The following CATSPERT variants were observed in gnomAD, a reference collection of about 807,000 sequenced individuals.
CATSPERT encodes the protein cation channel sperm-associated targeting subunit tau.
At chr2:201,590,081 C>T in the CATSPERT span, among the ~76,000 whole-genome samples, 4 of 151,928 alleles carry the variant, frequency 2.6e-5, no homozygotes, top group Non-Finnish European at 5.9e-5. Context: ...GTGCACTGCA[C>T]CCAATAACTC....
At chr2:201,541,269 G>A in the CATSPERT span, among the ~76,000 whole-genome samples, 1 of 152,028 alleles carries the variant, frequency 6.6e-6, no homozygotes, top group Non-Finnish European at 1.5e-5. Flanking sequence ...CAGCAGCAGG[G>A]TTTGAGAGGA....
At chr2:201,524,901 C>T in the CATSPERT span, among the ~76,000 whole-genome samples, 1 of 152,210 alleles carries the variant, frequency 6.6e-6, no homozygotes, top group African/African-American at 2.4e-5. Flanking sequence ...GGGTTCACTT[C>T]AACAAGAAGA....
the CATSPERT span, among the ~76,000 whole-genome samples, chr2:201,556,722 G>A: frequency 1.4e-4 from 22 of 152,098 alleles, no homozygotes; most frequent in Non-Finnish European, 2.6e-4. Flanking sequence ...AGCTACTCTA[G>A]AGGCTGAGGC....
the CATSPERT span, among the ~76,000 whole-genome samples, chr2:201,546,085 C>T: frequency 6.6e-6 from 1 of 152,122 alleles, no homozygotes; most frequent in Non-Finnish European, 1.5e-5. Flanking sequence ...TTATAAAATA[C>T]TGATCTTTTA....
At chr2:201,530,031 A>C in the CATSPERT span, among the ~76,000 whole-genome samples, 1 of 152,254 alleles carries the variant, frequency 6.6e-6, no homozygotes, top group Admixed American at 6.5e-5. Flanking sequence ...CATCAGAGAA[A>C]TGCAAATTGA....
At chr2:201,547,524 A>G in the CATSPERT span, 2 of 1,546,360 alleles carry the variant, frequency 1.3e-6, no homozygotes, top group Non-Finnish European at 1.8e-6. Context: ...CTTATGTTCC[A>G]ATTTTGGCAT....
chr2:201,566,716 A>G, the CATSPERT span, among the ~76,000 whole-genome samples: 2 of 152,152 alleles, frequency 1.3e-5, no homozygotes, highest in African/African-American at 4.8e-5. Flanking sequence ...TTGGGTATAT[A>G]CCCAGTATTG....
chr2:201,579,223 G>T, the CATSPERT span, among the ~76,000 whole-genome samples: 1 of 151,852 alleles, frequency 6.6e-6, no homozygotes, highest in Non-Finnish European at 1.5e-5. Flanking sequence ...ATTGTCCCAA[G>T]AATGTCTTTT....
At chr2:201,506,952 G>A in the CATSPERT span, among the ~76,000 whole-genome samples, 1 of 152,176 alleles carries the variant, frequency 6.6e-6, no homozygotes, top group Non-Finnish European at 1.5e-5. Context: ...TTAAAATTGA[G>A]ACACTAATAG....
the CATSPERT span, among the ~76,000 whole-genome samples, chr2:201,523,505 C>A: frequency 6.6e-6 from 1 of 152,160 alleles, no homozygotes; most frequent in South Asian, 2.1e-4. Flanking sequence ...CAAAGGACAG[C>A]AACTTTAAAG....
chr2:201,601,328 AGACT>A, the CATSPERT span, among the ~76,000 whole-genome samples: 1,414 of 148,982 alleles, frequency 9.5e-3, 12 homozygotes, highest in African/African-American at 0.016. Flanking sequence ...GTTGTAATAA[AGACT>A]GACTAAGTTA....
the CATSPERT span, among the ~76,000 whole-genome samples, chr2:201,515,201 A>ATAGTT: frequency 1.4e-5 from 1 of 70,214 alleles, no homozygotes; most frequent in Admixed American, 2.1e-4. Flanking sequence ...ATCTGCCCAT[A>ATAGTT]GTTTTTTTTT....
chr2:201,515,075 A>G, the CATSPERT span, among the ~76,000 whole-genome samples: 1 of 152,108 alleles, frequency 6.6e-6, no homozygotes, highest in African/African-American at 2.4e-5. Context: ...ATAAAGGACT[A>G]AGTAGAATCC....
At chr2:201,516,003 A>G in the CATSPERT span, among the ~76,000 whole-genome samples, 1 of 152,246 alleles carries the variant, frequency 6.6e-6, no homozygotes, top group Non-Finnish European at 1.5e-5. Flanking sequence ...GTGTTATCAG[A>G]TGATTTTGTC....
the CATSPERT span, chr2:201,582,144 C>T: frequency 8.7e-6 from 14 of 1,609,686 alleles, 1 homozygote; most frequent in South Asian, 4.4e-5. Flanking sequence ...CAAGAAAGCA[C>T]GTTTTTCTCT....
the CATSPERT span, among the ~76,000 whole-genome samples, chr2:201,588,590 T>C: frequency 4.7e-5 from 6 of 126,696 alleles, no homozygotes; most frequent in African/African-American, 1.1e-4. Context: ...GGGCAATGGT[T>C]CCCTACTCTT....
chr2:201,547,488 T>G, the CATSPERT span: 2 of 1,294,234 alleles, frequency 1.5e-6, no homozygotes, highest in Non-Finnish European at 2.2e-6. Context: ...TATAGGAGAA[T>G]GTATTATGTC....
At chr2:201,547,841 G>T in the CATSPERT span, among the ~76,000 whole-genome samples, 4 of 151,972 alleles carry the variant, frequency 2.6e-5, no homozygotes, top group Non-Finnish European at 5.9e-5. Context: ...CCTCAGAAGG[G>T]TACACAAAAT....
At chr2:201,534,373 T>A in the CATSPERT span, 2 of 975,644 alleles carry the variant, frequency 2.0e-6, no homozygotes, top group Non-Finnish European at 2.4e-6. Context: ...AGTGGTTTGT[T>A]ATACAGCAAT....
Sources: gnomAD v4.1 joint callset for allele counts (sites outside exome capture counted in the v4.1 genomes callset) on GRCh38, gnomAD v4.1.1 for gene constraint, MANE v1.5 for transcripts, NCBI Gene and HGNC (gene_info 2026-07-23, HGNC 2026-07-21) for gene names.